Variants in OLFM3 observed in about 807,000 individuals in gnomAD.
OLFM3 encodes the protein olfactomedin 3.
Under a neutral mutation model 48.6 loss-of-function variants are expected in OLFM3, and 20 were observed. That is an observed-to-expected ratio of 0.41 (90% CI 0.29 to 0.60). OLFM3 has a LOEUF of 0.60. Ranked by LOEUF, OLFM3 falls within the 20% of genes least tolerant of loss-of-function variation. The pLI is 0.28. For missense variants in OLFM3, 437 were observed against 544.3 expected (o/e 0.80, Z 1.96); for synonymous variants, 222 against 198.1 (o/e 1.12, Z -1.01).
intron 1 of OLFM3, among the ~76,000 whole-genome samples, chr1:101,865,640 C>A (rs1190777885): frequency 6.6e-6 from 1 of 152,158 alleles, no homozygotes; most frequent in Non-Finnish European, 1.5e-5. Context: ...CCACTTCCTA[C>A]TCTACAATCA....
rs1025708620 is a variant in OLFM3 at position 101,919,153 on chromosome 1, G to A, written c.69+77595C>T. Reference sequence around the variant, plus strand: ...ATTTGGTTCTACAGAAATTTCTTGCGCTGACTTGTAAAACAATGAAATACT... The same window carrying A: ...ATTTGGTTCTACAGAAATTTCTTGCACTGACTTGTAAAACAATGAAATACT... On this transcript the variant is annotated intron_variant, in intron 1 of 5. Transcript: ENST00000370103. 4.6e-5 allele frequency among the ~76,000 whole-genome samples: 7 copies of A among 151,964 alleles called. No homozygotes were observed. The South Asian group carries it at 8.3e-4, about 18-fold the overall frequency.
chr1:101,862,794 A>G (rs1256932957), intron 1 of OLFM3, among the ~76,000 whole-genome samples: 1 of 152,194 alleles, frequency 6.6e-6, no homozygotes, highest in Non-Finnish European at 1.5e-5. Flanking sequence ...CATATAACCA[A>G]ATGACCATGA....
At chr1:101,980,893 C>T (rs1661089423) in intron 1 of OLFM3, among the ~76,000 whole-genome samples, 1 of 152,178 alleles carries the variant, frequency 6.6e-6, no homozygotes, top group African/African-American at 2.4e-5. Context: ...GCTTGTCTTT[C>T]AATGTATATG....
intron 1 of OLFM3, among the ~76,000 whole-genome samples, chr1:101,860,806 G>A (rs1656622340): frequency 6.6e-6 from 1 of 152,034 alleles, no homozygotes. Flanking sequence ...TAGTGGGATT[G>A]AGAGGTAATT....
At chr1:101,953,194 G>A (rs1482059429) in intron 1 of OLFM3, among the ~76,000 whole-genome samples, 3 of 151,962 alleles carry the variant, frequency 2.0e-5, no homozygotes, top group Non-Finnish European at 4.4e-5. Context: ...TTTTTATTGT[G>A]ACTACTAGAA....
intron 1 of OLFM3, among the ~76,000 whole-genome samples, chr1:101,969,732 G>C (rs1409923659): frequency 6.6e-6 from 1 of 151,832 alleles, no homozygotes; most frequent in Non-Finnish European, 1.5e-5. Flanking sequence ...CCCTCTTTGG[G>C]CTTTTTTTCC....
At chr1:101,827,319 ATT>A (rs756938634) in intron 3 of OLFM3, among the ~76,000 whole-genome samples, 1 of 146,446 alleles carries the variant, frequency 6.8e-6, no homozygotes, top group African/African-American at 2.5e-5. Context: ...CAGAGGAAGA[ATT>A]TTTTTTTTTT....
chr1:101,832,064 G>T (rs1655180899), intron 2 of OLFM3, among the ~76,000 whole-genome samples: 1 of 151,972 alleles, frequency 6.6e-6, no homozygotes, highest in Admixed American at 6.5e-5. Context: ...CACTACGCCT[G>T]GCTAATTTTC....
chr1:101,910,009 A>C (rs984989208), intron 1 of OLFM3: 60 of 985,264 alleles, frequency 6.1e-5, no homozygotes, highest in Admixed American at 1.8e-4. Context: ...GCTTTATAAT[A>C]TTAAGGTTAT....
intron 1 of OLFM3, among the ~76,000 whole-genome samples, chr1:101,938,528 T>C (rs1454126618): frequency 1.3e-5 from 2 of 152,218 alleles, no homozygotes; most frequent in Non-Finnish European, 2.9e-5. Flanking sequence ...CACCAGATGG[T>C]GACATAATTA....
At chr1:101,898,705 C>A (rs138946851) in intron 1 of OLFM3, among the ~76,000 whole-genome samples, 1 of 151,954 alleles carries the variant, frequency 6.6e-6, no homozygotes, top group African/African-American at 2.4e-5. Context: ...AAAAATTAGT[C>A]AGGCATCGTG....
chr1:101,843,694 T>C (rs979703763), intron 1 of OLFM3, among the ~76,000 whole-genome samples: 1 of 152,216 alleles, frequency 6.6e-6, no homozygotes, highest in Non-Finnish European at 1.5e-5. Flanking sequence ...GATAATCAAA[T>C]GTGTCCTGTT....
At chr1:101,909,189 A>G (rs1658661833) in intron 1 of OLFM3, among the ~76,000 whole-genome samples, 1 of 152,224 alleles carries the variant, frequency 6.6e-6, no homozygotes, top group South Asian at 2.1e-4. Context: ...CAGCTCAGTC[A>G]TTCTGATGGC....
At chr1:101,948,788 A>G (rs1180207289) in intron 1 of OLFM3, among the ~76,000 whole-genome samples, 1 of 150,580 alleles carries the variant, frequency 6.6e-6, no homozygotes, top group East Asian at 1.9e-4. Flanking sequence ...AGTTATCTTT[A>G]GTAAAATAGA....
chr1:101,977,436 T>C (rs1021081570), intron 1 of OLFM3, among the ~76,000 whole-genome samples: 3 of 152,104 alleles, frequency 2.0e-5, no homozygotes, highest in Admixed American at 2.0e-4. Flanking sequence ...GCGTAGAGAA[T>C]TGGAACAAAC....
At chr1:101,952,674 A>G (rs1557743879) in intron 1 of OLFM3, among the ~76,000 whole-genome samples, 1 of 152,154 alleles carries the variant, frequency 6.6e-6, no homozygotes, top group African/African-American at 2.4e-5. Context: ...TACTAAGATA[A>G]ATAAAATATA....
chr1:101,923,882 A>G (rs1302355080), intron 1 of OLFM3, among the ~76,000 whole-genome samples: 2 of 152,092 alleles, frequency 1.3e-5, no homozygotes, highest in African/African-American at 2.4e-5. Context: ...TCTCTAATTT[A>G]CTTTTGTATT....
Position 101,803,234 on chromosome 1 carries a change from T to C in OLFM3, c.*1004A>G, listed in dbSNP as rs1653577121. On this transcript the variant is annotated 3_prime_UTR_variant, in exon 6 of 6. Coordinates refer to ENST00000370103, the MANE Select transcript of OLFM3 (RefSeq NM_058170.4). ...CATAAGGAATTTCATTATTGCAAGT[T>C]GTATGTAAAATATAAATTAAATGCT... 1.3e-5 allele frequency: 2 copies of C among 152,146 alleles called. No individual in the cohort carries two copies. Among genetic ancestry groups the C allele is most frequent in the Non-Finnish European group, 3.0e-5 (2 of 67,752 alleles). 9.4% of individuals were successfully genotyped at this position (152,146 alleles called of 1,614,324 possible). A position where few individuals can be genotyped will look rare whatever the true frequency, so the allele number is the denominator to read the frequency against.
At chr1:101,929,964 A>G (rs960329907) in intron 1 of OLFM3, among the ~76,000 whole-genome samples, 4 of 152,094 alleles carry the variant, frequency 2.6e-5, no homozygotes, top group African/African-American at 9.7e-5. Context: ...TAGAATATAG[A>G]CTATAGAGGA....
Sources: gnomAD v4.1 joint callset for allele counts (sites outside exome capture counted in the v4.1 genomes callset) on GRCh38, gnomAD v4.1.1 for gene constraint, MANE v1.5 for transcripts, NCBI Gene and HGNC (gene_info 2026-07-23, HGNC 2026-07-21) for gene names.